Variants in ST14 observed in about 807,000 individuals in gnomAD.
The protein encoded by ST14 is suppressor of tumorigenicity 14 protein.
In ST14, 40 loss-of-function variants were observed where a neutral mutation model predicts 96.5. That is an observed-to-expected ratio of 0.41 (90% confidence interval 0.32 to 0.54). ST14 has a LOEUF of 0.54. Ranked by LOEUF, ST14 falls within the 20% of genes least tolerant of loss-of-function variation. ST14 has a pLI of 0.17. For synonymous variants in ST14, 506 were observed against 492.1 expected, an observed-to-expected ratio of 1.03 and a Z score of -0.37; for missense variants, 1,066 against 1,188.9, an observed-to-expected ratio of 0.90 and a Z score of 1.52.
At chr11:130,196,894 G>A (rs552788725) in intron 11 of ST14, 194 bp downstream of exon 11, 33 of 771,170 alleles carry the variant, frequency 4.3e-5, no homozygotes, top group African/African-American at 1.7e-4. Flanking sequence ...GGCTGTGAGC[G>A]CTGGCACACA....
At chr11:130,193,978 G>A (rs1953332071) in intron 7 of ST14, among the ~76,000 whole-genome samples, 171 bp from the exon 8 acceptor site, 1 of 152,240 alleles carries the variant, frequency 6.6e-6, no homozygotes, top group South Asian at 2.1e-4. Context: ...GATTGTGTGG[G>A]GGAGGGACTT....
rs928135648 is a variant in ST14, at chr11:130,187,155, G to A, written c.82-959G>A. 4.6e-5 allele frequency among the ~76,000 whole-genome samples: 7 copies of A among 152,182 alleles called. No individual in the cohort carries two copies. Among genetic ancestry groups the A allele is most frequent in the African/African-American group, 1.7e-4 (7 of 41,434 alleles). On this transcript the variant is annotated intron_variant, in intron 1 of 18. Coordinates refer to ENST00000278742, the MANE Select transcript of ST14 (RefSeq NM_021978.4). This position sits in a 1 kb window ranked among gnomAD's most constrained non-coding sequence, Gnocchi z 4.5. Reference sequence around the variant, plus strand: ...ACCTGTGGGTGTGGGATGGGCTGTTGCTTTTGTTGTGAGCCGTATTGAGTG... The same window carrying A: ...ACCTGTGGGTGTGGGATGGGCTGTTACTTTTGTTGTGAGCCGTATTGAGTG...
At chr11:130,203,486 C>T (rs955977623) in intron 16 of ST14, among the ~76,000 whole-genome samples, 1 of 152,326 alleles carries the variant, frequency 6.6e-6, no homozygotes, top group African/African-American at 2.4e-5. Context: ...TCACCCCAAT[C>T]TCTTGCTTCA....
chr11:130,194,132 G>A lies in ST14; in HGVS notation c.876-17G>A, dbSNP rs781653020. 6.2e-6 allele frequency: 10 copies of A among 1,613,954 alleles called. No homozygotes were observed. The African/African-American group carries it at 8.0e-5, about 13-fold the overall frequency. ...GTTCTGTCTGCTCTTCCTAATGCCCGCCCTCTGCCCCCACAGGTTGTGTGG... is the reference window on the plus strand; with the variant it reads ...GTTCTGTCTGCTCTTCCTAATGCCCACCCTCTGCCCCCACAGGTTGTGTGG... On this transcript the variant is annotated splice_polypyrimidine_tract_variant and intron_variant, in intron 7 of 18. Transcript: ENST00000278742.
Position 130,196,597 on chromosome 11 carries a change from C to G in ST14, c.1251C>G (p.Val417=), listed in dbSNP as rs373479766. 6.2e-7 allele frequency: 1 copy of G among 1,612,122 alleles called. No homozygotes were observed. The highest frequency in any genetic ancestry group is 8.5e-7 in the Non-Finnish European group (1 of 1,179,402). Residue 417 remains valine, a synonymous_variant, in exon 11 of 19, where the codon GTC becomes GTG. Coordinates refer to ENST00000278742, the MANE Select transcript of ST14 (RefSeq NM_021978.4). ...ACTGCGGAGAGAGGTCCCAGTTCGTCGTCACCAGCAACAGCAACAAGATCA... is the reference window on the plus strand; with the variant it reads ...ACTGCGGAGAGAGGTCCCAGTTCGTGGTCACCAGCAACAGCAACAAGATCA... ...EKYCGERSQF[V]VTSNSNKITV... is the part of the protein sequence containing the mutation.
chr11:130,166,245 C>T (rs1040145682), intron 1 of ST14, among the ~76,000 whole-genome samples: 2 of 152,210 alleles, frequency 1.3e-5, no homozygotes, highest in Admixed American at 1.3e-4. Context: ...TCACTTTTCA[C>T]GCCTCTTTCC....
At chr11:130,204,806 T>A (rs1017576808) in intron 16 of ST14, among the ~76,000 whole-genome samples, 5 of 151,882 alleles carry the variant, frequency 3.3e-5, no homozygotes, top group Admixed American at 1.3e-4. Context: ...AGAGTAAGAC[T>A]CCATCTCAAG....
rs534459811 is a variant in ST14, at chr11:130,190,483, G to A, written c.664G>A (p.Gly222Ser). Residue 222 changes from glycine to serine, a missense_variant, in exon 7 of 19, where the codon GGT (glycine) becomes AGT (serine). Coordinates refer to ENST00000278742, the MANE Select transcript of ST14 (RefSeq NM_021978.4). ...NSCSFGLHAR[G>S]VELMRFTTPG... ...CTGCAGCTTTGGCCTGCACGCCCGC[G>A]GTGTGGAGCTGATGCGCTTCACCAC... 27 of 1,608,018 alleles carry A rather than the reference G, an allele frequency of 1.7e-5. No individual in the cohort carries two copies. In the Middle Eastern group the frequency reaches 4.9e-4, roughly 29 times the overall value.
At chr11:130,162,713 C>A (rs927035551) in intron 1 of ST14, among the ~76,000 whole-genome samples, 7 of 152,214 alleles carry the variant, frequency 4.6e-5, no homozygotes, top group African/African-American at 1.7e-4. Context: ...CAGCCCCTGT[C>A]CTTGGGACCA....
intron 16 of ST14, among the ~76,000 whole-genome samples, chr11:130,203,955 A>G (rs951228792): frequency 3.9e-5 from 6 of 152,012 alleles, no homozygotes; most frequent in African/African-American, 1.4e-4. Flanking sequence ...ACGCCCGGCC[A>G]CCTTTGTTCT....
At chr11:130,202,489 G>A (rs672442) in intron 16 of ST14, among the ~76,000 whole-genome samples, 32,144 of 152,090 alleles carry the variant, frequency 0.21, 3,651 homozygotes, top group Non-Finnish European at 0.26. Flanking sequence ...TGAGGGACTC[G>A]GGGGGTGACT....
Position 130,188,036 on chromosome 11 carries a change from A to C in ST14, c.82-78A>C. ...TCTTCTCCAAGCTGGACCTCACAAA[A>C]TGTGAACATCTTCCCCAGCGGGGTG... On this transcript the variant is annotated intron_variant, in intron 1 of 18. Transcript: ENST00000278742. This position sits in a 1 kb window ranked among gnomAD's most constrained non-coding sequence, Gnocchi z 5.4. 1 of 1,577,090 alleles carries C rather than the reference A, an allele frequency of 6.3e-7. No individual in the cohort carries two copies. The highest frequency in any genetic ancestry group is 8.6e-7 in the Non-Finnish European group (1 of 1,160,668).
chr11:130,193,500 C>T (rs1267805118), intron 7 of ST14, among the ~76,000 whole-genome samples: 4 of 148,776 alleles, frequency 2.7e-5, no homozygotes, highest in Admixed American at 6.7e-5. Context: ...CTGACAGTCT[C>T]GCTGTGTCGC....
chr11:130,166,467 C>T (rs1455307535), intron 1 of ST14, among the ~76,000 whole-genome samples: 3 of 152,200 alleles, frequency 2.0e-5, no homozygotes, highest in Non-Finnish European at 4.4e-5. Flanking sequence ...GTGGTGACCT[C>T]AGGCTGCTCG....
chr11:130,187,634 G>C lies in ST14; in HGVS notation c.82-480G>C, dbSNP rs1269045459. ...CACAGGCTCCTGGGCCAGGTGATGG[G>C]GGGATTGAATCTGGTAGGGGCTGTG... On this transcript the variant is annotated intron_variant, in intron 1 of 18. Coordinates refer to ENST00000278742, the MANE Select transcript of ST14 (RefSeq NM_021978.4). This position sits in a 1 kb window ranked among gnomAD's most constrained non-coding sequence, Gnocchi z 4.5. Among the ~76,000 whole-genome samples, 1 of 152,122 alleles carries C rather than the reference G, an allele frequency of 6.6e-6. No homozygotes were observed. Among genetic ancestry groups the C allele is most frequent in the African/African-American group, 2.4e-5 (1 of 41,422 alleles).
At chr11:130,196,077 G>A (rs1019227677) in intron 9 of ST14, among the ~76,000 whole-genome samples, 1 of 149,212 alleles carries the variant, frequency 6.7e-6, no homozygotes, top group Non-Finnish European at 1.5e-5. Flanking sequence ...GAAGAATGGC[G>A]TGAACCCGGG....
At chr11:130,182,547 G>A (rs545191515) in intron 1 of ST14, among the ~76,000 whole-genome samples, 9 of 152,126 alleles carry the variant, frequency 5.9e-5, no homozygotes, top group East Asian at 3.9e-4. Flanking sequence ...GGGTTTAGCC[G>A]TGTTGGCCAT....
chr11:130,203,953 C>T (rs73038965), intron 16 of ST14, among the ~76,000 whole-genome samples: 2 of 152,290 alleles, frequency 1.3e-5, no homozygotes, highest in Non-Finnish European at 2.9e-5. Context: ...CCACGCCCGG[C>T]CACCTTTGTT....
At chr11:130,194,851 CATGTGTGTGTGT>C (rs1215301855) in intron 9 of ST14, 114 bp downstream of exon 9, 4 of 884,668 alleles carry the variant, frequency 4.5e-6, no homozygotes, top group Non-Finnish European at 6.9e-6. Flanking sequence ...CATATGTGTG[CATGTGTGTGTGT>C]GTGTGTGTGT....
Sources: allele counts gnomAD v4.1 joint callset (sites outside exome capture counted in the v4.1 genomes callset), GRCh38; gene constraint gnomAD v4.1.1; non-coding constraint Gnocchi (gnomAD v3.1); transcripts MANE v1.5; gene names NCBI Gene and HGNC (gene_info 2026-07-23, HGNC 2026-07-21).